MITF: variants seen among roughly 807,000 people sequenced by gnomAD.
MITF encodes melanocyte inducing transcription factor.
A neutral mutation model predicts 60.5 loss-of-function variants in MITF; 17 were observed. The ratio of observed to expected loss-of-function variants is 0.28; its 90% CI spans 0.19 to 0.42. The LOEUF (loss-of-function observed/expected upper bound fraction) is 0.42, where lower values mean the gene tolerates loss of function less well. Ranked by LOEUF, MITF falls within the 10% of genes least tolerant of loss-of-function variation. The pLI is 1.00. For missense variants in MITF, 622 were observed against 683.5 expected (o/e 0.91, Z 1.00); for synonymous variants, 260 against 248.5 (o/e 1.05, Z -0.43).
intron 1 of MITF, chr3:69,866,396 C>T (rs527785339): frequency 6.2e-6 from 10 of 1,606,758 alleles, no homozygotes; most frequent in South Asian, 1.1e-5. Flanking sequence ...TTAAGAGGAG[C>T]AGTTTTTTTT....
chr3:69,942,900 A>G (rs966861292), intron 5 of MITF, among the ~76,000 whole-genome samples: 1 of 152,138 alleles, frequency 6.6e-6, no homozygotes, highest in Non-Finnish European at 1.5e-5. Flanking sequence ...TCATCTCAAA[A>G]GAACTTTGCT....
intron 1 of MITF, among the ~76,000 whole-genome samples, chr3:69,773,718 T>G (rs1342721285): frequency 6.6e-6 from 1 of 152,198 alleles, no homozygotes; most frequent in African/African-American, 2.4e-5. Flanking sequence ...TTAAAAAATT[T>G]TCCATAAACA....
chr3:69,856,639 G>C (rs908426426), intron 1 of MITF, among the ~76,000 whole-genome samples: 1 of 152,142 alleles, frequency 6.6e-6, no homozygotes, highest in African/African-American at 2.4e-5. Flanking sequence ...GTTTCTCAAA[G>C]GAAGCCTATC....
intron 2 of MITF, among the ~76,000 whole-genome samples, chr3:69,895,269 T>G (rs1462205052): frequency 1.3e-5 from 2 of 152,244 alleles, no homozygotes. Context: ...CACTATAGTT[T>G]AAGTCACCAG....
intron 1 of MITF, among the ~76,000 whole-genome samples, chr3:69,841,750 T>C (rs1356707663): frequency 6.6e-6 from 1 of 152,252 alleles, no homozygotes; most frequent in Non-Finnish European, 1.5e-5. Context: ...AGAAATCATA[T>C]TTAATTTAGA....
intron 1 of MITF, among the ~76,000 whole-genome samples, chr3:69,816,860 T>C (rs1460415642): frequency 1.3e-5 from 2 of 152,210 alleles, no homozygotes; most frequent in Non-Finnish European, 2.9e-5. Context: ...GTATTTTCAC[T>C]ATAAGTGAGG....
intron 1 of MITF, among the ~76,000 whole-genome samples, chr3:69,844,477 G>A (rs1575807034): frequency 1.3e-5 from 2 of 152,088 alleles, no homozygotes; most frequent in East Asian, 3.9e-4. Context: ...AACTCAAGAT[G>A]GATTAAAGAC....
chr3:69,937,763 G>C, intron 2 of MITF, 59 bp from the exon 3 acceptor site: 1 of 1,422,340 alleles, frequency 7.0e-7, no homozygotes, highest in Non-Finnish European at 9.9e-7. Context: ...TGAAGGAAGA[G>C]CCGTCTGAAA....
At chr3:69,784,423 A>G (rs2062615670) in intron 1 of MITF, among the ~76,000 whole-genome samples, 1 of 152,184 alleles carries the variant, frequency 6.6e-6, no homozygotes, top group African/African-American at 2.4e-5. Context: ...AAATCCTTTG[A>G]GAAGACATTT....
intron 1 of MITF, among the ~76,000 whole-genome samples, chr3:69,753,335 A>C (rs1208501996): frequency 5.9e-5 from 9 of 152,206 alleles, no homozygotes; most frequent in African/African-American, 2.2e-4. Flanking sequence ...GTATGGAAAA[A>C]CTTGGATGTC....
Position 69,964,545 on chromosome 3 carries a change from T to C in MITF, c.1180-302T>C, listed in dbSNP as rs1178848888. 2.2e-5 allele frequency among the ~76,000 whole-genome samples: 3 copies of C among 134,088 alleles called. No homozygotes were observed. The Admixed American group carries it at 2.3e-4, about 10-fold the overall frequency. The allele number at this position is 134,088 out of a possible 152,430, so 88.0% of individuals were successfully genotyped here. ...GGACAGTTTTTGGTTCACAGTAAAATTGAAATGAAGCTGCAGATATTTCCC... is the reference window on the plus strand; with the variant it reads ...GGACAGTTTTTGGTTCACAGTAAAACTGAAATGAAGCTGCAGATATTTCCC... On this transcript the variant is annotated intron_variant, in intron 9 of 9. Transcript: ENST00000352241.
chr3:69,812,710 C>T (rs960984145), intron 1 of MITF, among the ~76,000 whole-genome samples: 7 of 152,198 alleles, frequency 4.6e-5, no homozygotes, highest in Admixed American at 3.9e-4. Flanking sequence ...GTTATGAATT[C>T]GTGATAAAGT....
intron 1 of MITF, among the ~76,000 whole-genome samples, chr3:69,874,929 A>C (rs754573051): frequency 6.6e-6 from 1 of 152,200 alleles, no homozygotes; most frequent in Non-Finnish European, 1.5e-5. Context: ...CACAGAGAAG[A>C]GGGAGGCTTT....
At chr3:69,898,504 A>G (rs2107342210) in intron 2 of MITF, among the ~76,000 whole-genome samples, 1 of 152,332 alleles carries the variant, frequency 6.6e-6, no homozygotes, top group African/African-American at 2.4e-5. Context: ...TAGTTAAAGA[A>G]GAGTATTGTA....
At chr3:69,837,695 G>A (rs1209284313) in intron 1 of MITF, among the ~76,000 whole-genome samples, 1 of 152,034 alleles carries the variant, frequency 6.6e-6, no homozygotes, top group Admixed American at 6.5e-5. Flanking sequence ...TACCTCATTG[G>A]CAGAATTACC....
At chr3:69,924,233 C>T (rs953122536) in intron 2 of MITF, among the ~76,000 whole-genome samples, 1 of 152,154 alleles carries the variant, frequency 6.6e-6, no homozygotes, top group African/African-American at 2.4e-5. Flanking sequence ...TCTGAGTTCT[C>T]GTGCCAGCAA....
chr3:69,872,327 AAAT>A (rs1194357114), intron 1 of MITF, among the ~76,000 whole-genome samples: 3 of 152,190 alleles, frequency 2.0e-5, no homozygotes, highest in Non-Finnish European at 4.4e-5. Flanking sequence ...GGTAAAAAAA[AAAT>A]AACCAACTTA....
In MITF at chr3:69,906,991, G is replaced by A. The variant is rs533513818; in HGVS notation, c.354+27608G>A. Among the ~76,000 whole-genome samples, 5 of 152,160 alleles carry A rather than the reference G, an allele frequency of 3.3e-5. No individual in the cohort carries two copies. The South Asian group carries it at 1.0e-3, about 32-fold the overall frequency. ...AAATACTTTATGTAAATTGCCCTATGTGGTACTTACATTGTCCATGTGAGG... is the reference window on the plus strand; with the variant it reads ...AAATACTTTATGTAAATTGCCCTATATGGTACTTACATTGTCCATGTGAGG... On this transcript the variant is annotated intron_variant, in intron 2 of 9. Coordinates refer to ENST00000352241, the MANE Select transcript of MITF (RefSeq NM_001354604.2).
intron 8 of MITF, 118 bp from the exon 9 acceptor site, chr3:69,959,155 A>G: frequency 8.0e-7 from 1 of 1,242,386 alleles, no homozygotes; most frequent in Non-Finnish European, 1.1e-6. Context: ...TTCCCCCAAA[A>G]CTATTGAAAT....
Sources: allele counts gnomAD v4.1 joint callset (sites outside exome capture counted in the v4.1 genomes callset), GRCh38; gene constraint gnomAD v4.1.1; transcripts MANE v1.5; gene names NCBI Gene and HGNC (gene_info 2026-07-23, HGNC 2026-07-21).